Variants in SLC71A2 observed in about 807,000 individuals in gnomAD.
SLC71A2 encodes hippocampus abundant transcript-like 1.
the SLC71A2 span, among the ~76,000 whole-genome samples, chr9:94,425,518 T>C: frequency 2.0e-5 from 3 of 152,146 alleles, no homozygotes; most frequent in African/African-American, 4.8e-5. Flanking sequence ...GCGTTGAAGC[T>C]GTCTTCTTGA....
At chr9:94,446,561 C>T in the SLC71A2 span, among the ~76,000 whole-genome samples, 3 of 151,804 alleles carry the variant, frequency 2.0e-5, no homozygotes, top group African/African-American at 7.3e-5. Flanking sequence ...GGATTTTAAT[C>T]AGTGTGTTAA....
At chr9:94,437,249 T>C in the SLC71A2 span, among the ~76,000 whole-genome samples, 4 of 141,894 alleles carry the variant, frequency 2.8e-5, no homozygotes, top group Middle Eastern at 6.9e-3. Flanking sequence ...AGATGTATCA[T>C]GAAAATTCAG....
chr9:94,404,902 A>G, the SLC71A2 span, among the ~76,000 whole-genome samples: 1 of 152,150 alleles, frequency 6.6e-6, no homozygotes, highest in Non-Finnish European at 1.5e-5. Flanking sequence ...GCCATATCCA[A>G]GAAGTCATTG....
the SLC71A2 span, among the ~76,000 whole-genome samples, chr9:94,455,344 T>TA: frequency 9.9e-6 from 1 of 100,886 alleles, no homozygotes; most frequent in Non-Finnish European, 2.1e-5. Context: ...AATATTTTGA[T>TA]TTTTTTTTTA....
At chr9:94,456,285 G>A in the SLC71A2 span, 490 of 1,614,102 alleles carry the variant, frequency 3.0e-4, no homozygotes, top group Middle Eastern at 5.6e-3. Flanking sequence ...CCAGCATCAC[G>A]TTTCCGGCAA....
the SLC71A2 span, chr9:94,460,047 A>G: frequency 1.3e-5 from 2 of 152,562 alleles, no homozygotes; most frequent in African/African-American, 4.8e-5. Context: ...AATAGTAATT[A>G]CCTTTACTAG....
chr9:94,424,856 C>T, the SLC71A2 span, among the ~76,000 whole-genome samples: 25 of 146,702 alleles, frequency 1.7e-4, no homozygotes, highest in African/African-American at 5.8e-4. Context: ...TCTCCTGCCC[C>T]GACCTCCTGA....
At chr9:94,417,360 G>T in the SLC71A2 span, among the ~76,000 whole-genome samples, 8 of 152,164 alleles carry the variant, frequency 5.3e-5, no homozygotes, top group Admixed American at 2.6e-4. Flanking sequence ...GGGCGCGGAG[G>T]CTCACGCCTG....
the SLC71A2 span, among the ~76,000 whole-genome samples, chr9:94,443,302 AACTCAGC>A: frequency 6.6e-6 from 1 of 152,184 alleles, no homozygotes; most frequent in Non-Finnish European, 1.5e-5. Context: ...CAGCAGAAGC[AACTCAGC>A]ATGCAAGGCT....
At chr9:94,452,667 T>G in the SLC71A2 span, among the ~76,000 whole-genome samples, 8 of 49,358 alleles carry the variant, frequency 1.6e-4, no homozygotes, top group East Asian at 4.2e-3. Flanking sequence ...TCATATATAT[T>G]CATATATATT....
At chr9:94,440,498 C>CT in the SLC71A2 span, among the ~76,000 whole-genome samples, 2 of 151,676 alleles carry the variant, frequency 1.3e-5, no homozygotes, top group African/African-American at 4.8e-5. Flanking sequence ...ACTTTTTGTT[C>CT]TATAAGGTTT....
the SLC71A2 span, chr9:94,445,002 G>A: frequency 2.1e-5 from 34 of 1,613,962 alleles, no homozygotes; most frequent in Admixed American, 5.0e-5. Context: ...TCAGCAGCCC[G>A]GCCATTGGAG....
At chr9:94,451,045 C>G in the SLC71A2 span, among the ~76,000 whole-genome samples, 5 of 152,104 alleles carry the variant, frequency 3.3e-5, no homozygotes, top group Non-Finnish European at 7.4e-5. Context: ...TTGTCTTTTG[C>G]TTACATCATG....
At chr9:94,453,961 G>A in the SLC71A2 span, 4 of 1,608,430 alleles carry the variant, frequency 2.5e-6, no homozygotes, top group African/African-American at 4.0e-5. Context: ...TTTGCAGACG[G>A]CCTTTCTTAG....
chr9:94,425,041 T>G, the SLC71A2 span, among the ~76,000 whole-genome samples: 62 of 151,966 alleles, frequency 4.1e-4, no homozygotes, highest in East Asian at 7.4e-3. Flanking sequence ...TCCTACTAAT[T>G]TTAGCATCCA....
chr9:94,375,101 C>T, the SLC71A2 span, among the ~76,000 whole-genome samples: 2 of 152,018 alleles, frequency 1.3e-5, no homozygotes, highest in African/African-American at 4.8e-5. Context: ...AGTGACTGCT[C>T]ATCGCAGACA....
chr9:94,435,061 T>A, the SLC71A2 span, among the ~76,000 whole-genome samples: 3 of 152,334 alleles, frequency 2.0e-5, no homozygotes, highest in East Asian at 3.9e-4. Flanking sequence ...CCTGCCCCTG[T>A]ATCCTCACTT....
At chr9:94,403,556 T>G in the SLC71A2 span, among the ~76,000 whole-genome samples, 2 of 152,116 alleles carry the variant, frequency 1.3e-5, no homozygotes, top group African/African-American at 4.8e-5. Flanking sequence ...GTACCATATT[T>G]TGTTTAAACA....
chr9:94,397,003 C>T, the SLC71A2 span, among the ~76,000 whole-genome samples: 2 of 152,172 alleles, frequency 1.3e-5, no homozygotes, highest in African/African-American at 4.8e-5. Flanking sequence ...CTCCTGACCT[C>T]AGGTGATCCA....
Sources: gnomAD v4.1 joint callset for allele counts (sites outside exome capture counted in the v4.1 genomes callset) on GRCh38, gnomAD v4.1.1 for gene constraint, MANE v1.5 for transcripts, NCBI Gene and HGNC (gene_info 2026-07-23, HGNC 2026-07-21) for gene names.